Variants in CELF2 observed in about 807,000 individuals in gnomAD.
CELF2 encodes CUGBP Elav-like family member 2, also known as CUG triplet repeat RNA-binding protein 2.
A neutral mutation model predicts 62.6 loss-of-function variants in CELF2; 8 were observed. The observed-to-expected ratio is 0.13, with a 90% CI of 0.07 to 0.23. The LOEUF is 0.23. Ranked by LOEUF, CELF2 falls within the 10% of genes least tolerant of loss-of-function variation. CELF2 has a pLI of 1.00. For synonymous variants in CELF2, 258 were observed against 250.0 expected (o/e 1.03, Z -0.30); for missense variants, 333 against 671.0 (o/e 0.50, Z 5.56).
At chr10:11,070,995 A>G (rs1554817366) in intron 1 of CELF2, among the ~76,000 whole-genome samples, 1 of 152,208 alleles carries the variant, frequency 6.6e-6, no homozygotes, top group Non-Finnish European at 1.5e-5. Context: ...ATAGATGACT[A>G]TTTTGAGAAA....
chr10:10,696,375 T>A, the CELF2 span, among the ~76,000 whole-genome samples: 2 of 151,698 alleles, frequency 1.3e-5, no homozygotes, highest in Admixed American at 1.3e-4. Context: ...GATCTCCAGC[T>A]GCATGCTGGG....
chr10:10,745,631 T>C, the CELF2 span, among the ~76,000 whole-genome samples: 1 of 152,196 alleles, frequency 6.6e-6, no homozygotes, highest in Admixed American at 6.5e-5. Context: ...CCATTGAGTA[T>C]AACCATCCCT....
chr10:10,596,757 CTCT>C, the CELF2 span, among the ~76,000 whole-genome samples: 1 of 152,214 alleles, frequency 6.6e-6, no homozygotes, highest in Non-Finnish European at 1.5e-5. Flanking sequence ...TCCTTTCTTC[CTCT>C]TCTTGAGTAT....
At chr10:11,196,863 G>A (rs756273384) in intron 2 of CELF2, among the ~76,000 whole-genome samples, 1 of 151,218 alleles carries the variant, frequency 6.6e-6, no homozygotes, top group African/African-American at 2.4e-5. Context: ...TGGGGCTGAG[G>A]CAGGAGAATG....
intron 1 of CELF2, among the ~76,000 whole-genome samples, chr10:11,024,105 T>C (rs2058754202): frequency 6.6e-6 from 1 of 152,190 alleles, no homozygotes; most frequent in South Asian, 2.1e-4. Context: ...TTAGTCTGTG[T>C]TTTTCTATCA....
At chr10:10,534,955 T>C in the CELF2 span, among the ~76,000 whole-genome samples, 1 of 152,210 alleles carries the variant, frequency 6.6e-6, no homozygotes, top group Non-Finnish European at 1.5e-5. Context: ...ATTAGATTAA[T>C]ACCACATAAC....
chr10:11,204,951 T>G (rs976656352), intron 2 of CELF2, among the ~76,000 whole-genome samples: 1 of 152,202 alleles, frequency 6.6e-6, no homozygotes, highest in African/African-American at 2.4e-5. Flanking sequence ...AGCCGTAGGT[T>G]TTATTTCAAA....
intron 2 of CELF2, among the ~76,000 whole-genome samples, chr10:11,212,636 G>A (rs1280068316): frequency 1.3e-5 from 2 of 152,022 alleles, no homozygotes; most frequent in African/African-American, 4.8e-5. Context: ...TTTTCCATTG[G>A]ACCTGATGGA....
At chr10:11,187,765 C>T (rs890811767) in intron 2 of CELF2, among the ~76,000 whole-genome samples, 4 of 147,744 alleles carry the variant, frequency 2.7e-5, no homozygotes, top group Non-Finnish European at 5.9e-5. Context: ...CCATTTCTCC[C>T]TTCGCAGACT....
At chr10:10,701,997 G>A in the CELF2 span, among the ~76,000 whole-genome samples, 4 of 152,270 alleles carry the variant, frequency 2.6e-5, no homozygotes, top group South Asian at 4.1e-4. Flanking sequence ...AAGGAGCAGC[G>A]GTACCGATAT....
intron 2 of CELF2, among the ~76,000 whole-genome samples, chr10:11,172,622 G>A (rs550556895): frequency 2.6e-5 from 4 of 152,296 alleles, no homozygotes; most frequent in South Asian, 4.1e-4. Flanking sequence ...AAAGGGCAGC[G>A]TCTGCCCTGG....
intron 1 of CELF2, among the ~76,000 whole-genome samples, chr10:11,124,352 C>G (rs1376569095): frequency 3.9e-5 from 6 of 152,110 alleles, no homozygotes; most frequent in Non-Finnish European, 5.9e-5. Flanking sequence ...ATGGGTTCCA[C>G]CTGTTCATGA....
At chr10:11,083,247 C>G (rs905343060) in intron 1 of CELF2, among the ~76,000 whole-genome samples, 4 of 152,192 alleles carry the variant, frequency 2.6e-5, no homozygotes, top group African/African-American at 9.7e-5. Flanking sequence ...GGACCATTAT[C>G]ACTTTGACAG....
intron 1 of CELF2, among the ~76,000 whole-genome samples, chr10:10,816,348 C>T (rs1381802678): frequency 6.6e-6 from 1 of 152,154 alleles, no homozygotes; most frequent in Non-Finnish European, 1.5e-5. Context: ...ACTCTAGGAG[C>T]TGGCTTCTGC....
At chr10:11,258,319 A>C (rs1434783793) in intron 5 of CELF2, among the ~76,000 whole-genome samples, 1 of 152,242 alleles carries the variant, frequency 6.6e-6, no homozygotes, top group Non-Finnish European at 1.5e-5. Context: ...GTCAATGTTC[A>C]CATGTAGTGC....
chr10:11,175,660 C>T (rs1462892227), intron 2 of CELF2, among the ~76,000 whole-genome samples: 1 of 152,178 alleles, frequency 6.6e-6, no homozygotes, highest in African/African-American at 2.4e-5. Context: ...AGGCTTAATG[C>T]AGAGCCCTTT....
At chr10:11,206,864 G>A (rs773773479) in intron 2 of CELF2, among the ~76,000 whole-genome samples, 22 of 152,174 alleles carry the variant, frequency 1.4e-4, no homozygotes, top group East Asian at 5.8e-4. Flanking sequence ...CTTTCTTCAC[G>A]TCACCCCCTG....
chr10:10,714,979 T>C, the CELF2 span, among the ~76,000 whole-genome samples: 3 of 152,142 alleles, frequency 2.0e-5, no homozygotes, highest in Non-Finnish European at 4.4e-5. Context: ...ATTAAAGAGT[T>C]CTCCTGTGTT....
intron 1 of CELF2, among the ~76,000 whole-genome samples, chr10:11,019,897 A>G (rs184995368): frequency 1.3e-5 from 2 of 152,334 alleles, no homozygotes; most frequent in African/African-American, 4.8e-5. Context: ...TAGAGGGTCC[A>G]GGCTAAACTG....
Sources: gnomAD v4.1 joint callset for allele counts (sites outside exome capture counted in the v4.1 genomes callset) on GRCh38, gnomAD v4.1.1 for gene constraint, MANE v1.5 for transcripts, NCBI Gene and HGNC (gene_info 2026-07-23, HGNC 2026-07-21) for gene names.